MCCC1: variants seen among roughly 807,000 people sequenced by gnomAD.
MCCC1 encodes methylcrotonoyl-CoA carboxylase subunit alpha, mitochondrial.
Under a neutral mutation model 83.8 loss-of-function variants are expected in MCCC1, and 64 were observed. That is an observed-to-expected ratio of 0.76 (90% CI 0.62 to 0.94). The LOEUF is 0.94. Among genes scored for constraint, MCCC1 ranks in the 40% least tolerant of loss-of-function variants. MCCC1 has a pLI of 0.00. For missense variants in MCCC1, 807 were observed against 904.7 expected, an observed-to-expected ratio of 0.89 and a Z score of 1.39; for synonymous variants, 322 against 315.4, an observed-to-expected ratio of 1.02 and a Z score of -0.22.
At chr3:183,101,375 G>A (rs1719284594), upstream of MCCC1, among the ~76,000 whole-genome samples, 1 of 152,220 alleles carries the variant, frequency 6.6e-6, no homozygotes, top group African/African-American at 2.4e-5. Context: ...GAGTCTGGTG[G>A]GGACGTGGAG....
At chr3:183,039,558 G>A (rs1181456293) in intron 11 of MCCC1, among the ~76,000 whole-genome samples, 1 of 152,116 alleles carries the variant, frequency 6.6e-6, no homozygotes, top group African/African-American at 2.4e-5. Context: ...TGTCCTGCAG[G>A]GTTGCTGGGA....
upstream of MCCC1, among the ~76,000 whole-genome samples, chr3:183,100,604 T>C (rs1459369590): frequency 6.6e-6 from 1 of 152,240 alleles, no homozygotes; most frequent in Non-Finnish European, 1.5e-5. Flanking sequence ...AACAAAGATA[T>C]CACGCACACA....
chr3:183,070,083 T>C (rs994217584), intron 7 of MCCC1, among the ~76,000 whole-genome samples: 4 of 152,200 alleles, frequency 2.6e-5, no homozygotes, highest in Non-Finnish European at 5.9e-5. Context: ...AGAATTATAT[T>C]AGAATTAGAA....
intron 9 of MCCC1, among the ~76,000 whole-genome samples, chr3:183,049,699 G>A (rs962826958): frequency 9.2e-5 from 14 of 152,048 alleles, no homozygotes; most frequent in African/African-American, 3.1e-4. Flanking sequence ...ATTACTACAG[G>A]TCCCATGGAC....
chr3:183,052,126 C>T (rs554366421), intron 9 of MCCC1, 33 bp downstream of exon 9: 30 of 1,590,218 alleles, frequency 1.9e-5, no homozygotes, highest in Middle Eastern at 3.3e-4. Flanking sequence ...AACACTGTTA[C>T]GTCTCTTCCA....
chr3:183,102,813 GTC>G (rs111758685), upstream of MCCC1, among the ~76,000 whole-genome samples: 10 of 71,420 alleles, frequency 1.4e-4, no homozygotes, highest in South Asian at 9.3e-4. Flanking sequence ...TTGAGACGAA[GTC>G]TCTCTCTGTT....
At chr3:183,063,436 A>C (rs986538549) in intron 7 of MCCC1, among the ~76,000 whole-genome samples, 1 of 152,178 alleles carries the variant, frequency 6.6e-6, no homozygotes. Flanking sequence ...TTTGTGTAAT[A>C]TCTTGATATT....
rs557252094 is a variant in MCCC1, at chr3:183,091,561, C to A, written c.273+848G>T. Among the ~76,000 whole-genome samples the A allele has an allele frequency of 7.9e-5, 12 of 151,738 alleles. No homozygotes were observed. In the South Asian group the frequency reaches 2.5e-3, roughly 32 times the overall value. ...CCAGCCTGGGCAACAGAGTGAGACT[C>A]TTGTCAAAAACAAAAACAAAACAAA... On this transcript the variant is annotated intron_variant, in intron 3 of 18. Coordinates refer to ENST00000265594, the MANE Select transcript of MCCC1 (RefSeq NM_020166.5).
chr3:183,077,311 G>A (rs964343621), intron 4 of MCCC1, among the ~76,000 whole-genome samples: 3 of 152,178 alleles, frequency 2.0e-5, no homozygotes, highest in African/African-American at 7.2e-5. Flanking sequence ...TTGAGAAACT[G>A]CAAAACTGTT....
intron 1 of MCCC1, among the ~76,000 whole-genome samples, chr3:183,110,571 T>C (rs906468158): frequency 2.6e-5 from 4 of 151,994 alleles, no homozygotes; most frequent in Non-Finnish European, 5.9e-5. Flanking sequence ...TTTTTTGTAT[T>C]TTTTAGTGGA....
intron 13 of MCCC1, among the ~76,000 whole-genome samples, chr3:183,034,401 AGATTGCGCCACTGCACCG>A (rs1187473582): frequency 2.0e-5 from 3 of 147,540 alleles, no homozygotes; most frequent in Non-Finnish European, 3.0e-5. Flanking sequence ...CAGTGAGCCA[AGATTGCGCCACTGCACCG>A]GATCCAGCCT....
chr3:183,090,347 T>C (rs553725775), intron 3 of MCCC1, among the ~76,000 whole-genome samples: 1 of 152,332 alleles, frequency 6.6e-6, no homozygotes, highest in African/African-American at 2.4e-5. Context: ...GACCCATCAT[T>C]GAAAAATAGA....
At chr3:183,090,598 T>C (rs1718246873) in intron 3 of MCCC1, among the ~76,000 whole-genome samples, 1 of 152,112 alleles carries the variant, frequency 6.6e-6, no homozygotes, top group African/African-American at 2.4e-5. Context: ...TCTTTTTTTT[T>C]TTTTCTTTGA....
At chr3:183,103,864 C>T (rs192675837), upstream of MCCC1, among the ~76,000 whole-genome samples, 10 of 152,192 alleles carry the variant, frequency 6.6e-5, no homozygotes, top group African/African-American at 2.2e-4. Context: ...TCAGGCATGG[C>T]GGGCTGCAGG....
intron 8 of MCCC1, among the ~76,000 whole-genome samples, chr3:183,056,779 C>T (rs754031531): frequency 2.0e-5 from 3 of 152,104 alleles, no homozygotes; most frequent in Non-Finnish European, 4.4e-5. Flanking sequence ...CTGCAACCTC[C>T]GCCTCCCAGG....
rs150835353 is a variant in MCCC1 at position 183,034,028 on chromosome 3, C to T, written c.1644G>A (p.Ser548=). 15 of 1,611,776 alleles carry T rather than the reference C, an allele frequency of 9.3e-6. No individual in the cohort carries two copies. Among genetic ancestry groups the T allele is most frequent in the Non-Finnish European group, 1.1e-5 (13 of 1,178,896 alleles). The change falls in exon 14 of 19, where the codon TCG becomes TCA. Residue 548 remains serine (S), a synonymous_variant. Coordinates refer to ENST00000265594, the MANE Select transcript of MCCC1 (RefSeq NM_020166.5). ...CTTTAAGAGTCATGTTTCTGGTATA[C>T]GAGATATTCAGTCTTCTTCCACTGC... ...SSSSGRRLNI[S]YTRNMTLKDG...
At chr3:183,027,142 G>A (rs899666086) in intron 14 of MCCC1, among the ~76,000 whole-genome samples, 2 of 151,970 alleles carry the variant, frequency 1.3e-5, no homozygotes, top group African/African-American at 4.8e-5. Context: ...ATTGTTTTAC[G>A]GTGCCTCAAT....
At chr3:183,057,994 A>AGAAT (rs1165533639) in intron 7 of MCCC1, among the ~76,000 whole-genome samples, 1 of 152,268 alleles carries the variant, frequency 6.6e-6, no homozygotes, top group Non-Finnish European at 1.5e-5. Context: ...AACCTAAAGG[A>AGAAT]GAATGAATGA....
At chr3:183,108,545 T>C (rs1044072069) in intron 1 of MCCC1, among the ~76,000 whole-genome samples, 2 of 152,204 alleles carry the variant, frequency 1.3e-5, no homozygotes, top group Non-Finnish European at 2.9e-5. Context: ...CTTCTCAACA[T>C]TACTTCTGAA....
Sources: allele counts gnomAD v4.1 joint callset (sites outside exome capture counted in the v4.1 genomes callset), GRCh38; gene constraint gnomAD v4.1.1; transcripts MANE v1.5; gene names NCBI Gene and HGNC (gene_info 2026-07-23, HGNC 2026-07-21).